The following BTN1A1 variants were observed in gnomAD, a reference collection of about 807,000 sequenced individuals.
BTN1A1 encodes bK14H9.2 (butyrophilin, subfamily 1, member A1).
BTN1A1 carries 26 observed loss-of-function variants against 33.1 expected under a neutral mutation model. The ratio of observed to expected loss-of-function variants is 0.79; its 90% confidence interval spans 0.58 to 1.09. BTN1A1 has a LOEUF of 1.09. Ranked by LOEUF, BTN1A1 falls within the 50% of genes least tolerant of loss-of-function variation. The probability of loss-of-function intolerance (pLI) is 0.00; values close to 1 mark genes in which losing one functional copy is unlikely to be tolerated. For missense variants in BTN1A1, 558 were observed against 655.7 expected (o/e 0.85, Z 1.63); for synonymous variants, 235 against 256.2 (o/e 0.92, Z 0.79).
At chr6:26,507,842 T>A in intron 5 of BTN1A1, 108 bp from the exon 6 acceptor site, 1 of 1,122,316 alleles carries the variant, frequency 8.9e-7, no homozygotes, top group African/African-American at 1.6e-5. Flanking sequence ...AATATTCAAA[T>A]AGTCATGAAT....
At chr6:26,506,949 G>A (rs2113893751) in intron 5 of BTN1A1, 117 bp downstream of exon 5, 9 of 1,281,988 alleles carry the variant, frequency 7.0e-6, no homozygotes, top group Non-Finnish European at 8.7e-6. Flanking sequence ...GGCTGGGCAT[G>A]GTGGCTCACG....
At chr6:26,507,879 C>T in intron 5 of BTN1A1, 71 bp from the exon 6 acceptor site, 1 of 1,486,010 alleles carries the variant, frequency 6.7e-7, no homozygotes, top group Non-Finnish European at 9.3e-7. Context: ...TGTGTGTTTC[C>T]CACACGAGTT....
Position 26,501,571 on chromosome 6 carries a change from C to T in BTN1A1, c.80-19C>T, listed in dbSNP as rs1328816684. Reference sequence around the variant, plus strand: ...TTCCCATCTCCACATCCCGTCTGATCCCGCTCGTTTTTCGGCAGCTCCCTT... The same window carrying T: ...TTCCCATCTCCACATCCCGTCTGATTCCGCTCGTTTTTCGGCAGCTCCCTT... On this transcript the variant is annotated intron_variant, in intron 2 of 7. Transcript: ENST00000684113. The surrounding 1 kb of genome is among the most constrained non-coding windows in gnomAD (Gnocchi z 5.2). The T allele has an allele frequency of 6.2e-7, 1 of 1,611,402 alleles. No individual in the cohort carries two copies.
At chr6:26,506,591 A>G (rs549434586) in intron 4 of BTN1A1, 92 bp from the exon 5 acceptor site, 1 of 1,385,184 alleles carries the variant, frequency 7.2e-7, no homozygotes. Flanking sequence ...GGTCCAGGCC[A>G]TCACCTCTTC....
At position 26,501,278 on chromosome 6, in the gene BTN1A1, G is replaced by C; in HGVS notation, c.-9G>C. ...CATCAGTTATCTTGCTGCTCCAGAA[G>C]GGTGGGAGATGGCAGTTTTCCCAAG... On this transcript the variant is annotated 5_prime_UTR_variant, in exon 2 of 8. Transcript: ENST00000684113. The surrounding 1 kb of genome is among the most constrained non-coding windows in gnomAD (Gnocchi z 5.2). 6.2e-7 allele frequency: 1 copy of C among 1,613,276 alleles called. No homozygotes were observed. Among genetic ancestry groups the C allele is most frequent in the East Asian group, 2.2e-5 (1 of 44,880 alleles).
In BTN1A1 at chr6:26,501,947, C is replaced by T. The variant is rs986364266; in HGVS notation, c.427+10C>T. The T allele has an allele frequency of 2.0e-5, 31 of 1,539,662 alleles. No individual in the cohort carries two copies. Among genetic ancestry groups the T allele is most frequent in the Non-Finnish European group, 2.5e-5 (29 of 1,143,780 alleles). On this transcript the variant is annotated intron_variant, in intron 3 of 7. Coordinates refer to ENST00000684113, the MANE Select transcript of BTN1A1 (RefSeq NM_001732.3). This position sits in a 1 kb window ranked among gnomAD's most constrained non-coding sequence, Gnocchi z 5.2. ...CATCTGAAGGTGGCTGGTGAGTAGA[C>T]GGGTTTTGACTTTCTCCGACGACTC...
chr6:26,505,269 G>A (rs957656512), intron 4 of BTN1A1, 63 bp downstream of exon 4: 1 of 1,512,670 alleles, frequency 6.6e-7, no homozygotes, highest in African/African-American at 1.4e-5. Context: ...CACCACCTGG[G>A]ACACCTGCCC....
Position 26,508,485 on chromosome 6 carries a change from GTTTC to G in BTN1A1, c.908-10_908-7del, listed in dbSNP as rs1561885443. The stretch of plus-strand genomic sequence containing the variant: ...AATATTCACTGATGTCAGACCTGCT[GTTTC>G]TTTCTCTCCAGTTGATGTGACTCTG... On this transcript the variant is annotated splice_polypyrimidine_tract_variant and intron_variant, in intron 7 of 7. Transcript: ENST00000684113. The G allele has an allele frequency of 1.2e-6, 2 of 1,601,256 alleles. No homozygotes were observed. The highest frequency in any genetic ancestry group is 8.5e-7 in the Non-Finnish European group (1 of 1,173,328).
intron 4 of BTN1A1, among the ~76,000 whole-genome samples, chr6:26,506,114 A>C (rs1763866753): frequency 8.0e-6 from 1 of 124,580 alleles, no homozygotes; most frequent in Admixed American, 8.9e-5. Context: ...ACAGAGCGAG[A>C]CTGCATCTCA....
At chr6:26,502,109 C>T (rs1431191678) in intron 3 of BTN1A1, among the ~76,000 whole-genome samples, 172 bp downstream of exon 3, 3 of 152,044 alleles carry the variant, frequency 2.0e-5, no homozygotes, top group African/African-American at 4.8e-5. Flanking sequence ...AAGAATTTAC[C>T]AAGACAGTTG....
At chr6:26,502,088 A>AGG (rs537020423) in intron 3 of BTN1A1, 151 bp downstream of exon 3, 10 of 1,211,532 alleles carry the variant, frequency 8.3e-6, no homozygotes, top group African/African-American at 1.5e-5. Context: ...GCGGGAGGCG[A>AGG]GGGGGGGTAA....
intron 7 of BTN1A1, 57 bp from the exon 8 acceptor site, chr6:26,508,444 C>A: frequency 6.6e-7 from 1 of 1,518,232 alleles, no homozygotes. Context: ...GAAGGAAAGA[C>A]AGTCCTGCAA....
In BTN1A1 at chr6:26,506,212, G is replaced by A. The variant is rs193080790; in HGVS notation, c.710-471G>A. ...CCTTCCTATCCCATGCTAGGGCTCTGTCTAGGTTTCCAGGGTCCTCAGGGA... is the reference window on the plus strand; with the variant it reads ...CCTTCCTATCCCATGCTAGGGCTCTATCTAGGTTTCCAGGGTCCTCAGGGA... On this transcript the variant is annotated intron_variant, in intron 4 of 7. Transcript: ENST00000684113. Among the ~76,000 whole-genome samples, 166 of 151,870 alleles carry A rather than the reference G, an allele frequency of 1.1e-3. 2 individuals are homozygous for A. The highest frequency in any genetic ancestry group is 0.011 in the South Asian group (52 of 4,802).
chr6:26,508,861 G>A lies in BTN1A1; in HGVS notation c.1268G>A (p.Gly423Glu), dbSNP rs747726672. Residue 423 changes from glycine to glutamate, a missense_variant, in exon 8 of 8, where the codon GGG (glycine) becomes GAG (glutamate). Gly to Glu is a moderately conservative substitution (Grantham distance 98). Coordinates refer to ENST00000684113, the MANE Select transcript of BTN1A1 (RefSeq NM_001732.3). ...LPLAGPPRRV[G>E]IFLDYESGDI... ...TTGGCAGGGCCCCCACGCCGGGTTG[G>A]GATTTTCCTAGACTATGAATCAGGA... 2.4e-5 allele frequency: 38 copies of A among 1,614,026 alleles called. No individual in the cohort carries two copies. The highest frequency in any genetic ancestry group is 3.1e-5 in the Non-Finnish European group (36 of 1,180,022).
At chr6:26,506,891 C>G in intron 5 of BTN1A1, 59 bp downstream of exon 5, 1 of 1,577,204 alleles carries the variant, frequency 6.3e-7, no homozygotes, top group South Asian at 1.1e-5. Flanking sequence ...CAGGCTGGAT[C>G]CAAGTCCTTT....
rs61732158 is a variant in BTN1A1, at chr6:26,508,939, A to G, written c.1346A>G (p.Asn449Ser). ...GGATCTGATATCTATACTTTCTCCA[A>G]TGTCACTTTCTCTGGCCCCCTCCGG... is the stretch of plus-strand genomic sequence containing the variant. ...NDGSDIYTFS[N>S]VTFSGPLRPF... Residue 449 changes from asparagine to serine, a missense_variant, in exon 8 of 8, where the codon AAT (asparagine) becomes AGT (serine). Coordinates refer to ENST00000684113, the MANE Select transcript of BTN1A1 (RefSeq NM_001732.3). 2.9e-5 allele frequency: 47 copies of G among 1,614,168 alleles called. 1 individual carries two copies. The highest frequency in any genetic ancestry group is 2.3e-4 in the African/African-American group (17 of 75,034).
rs965232246 is a variant in BTN1A1 at position 26,500,607 on chromosome 6, C to G, written c.-58+249C>G. On this transcript the variant is annotated intron_variant, in intron 1 of 7. Coordinates refer to ENST00000684113, the MANE Select transcript of BTN1A1 (RefSeq NM_001732.3). Reference sequence around the variant, plus strand: ...TATTATCATTGCCAAAAGCAAATACCAAATTCTTGTATTTGAAAAAAGACT... The same window carrying G: ...TATTATCATTGCCAAAAGCAAATACGAAATTCTTGTATTTGAAAAAAGACT... Among the ~76,000 whole-genome samples the G allele has an allele frequency of 2.1e-4, 32 of 152,092 alleles. 1 individual carries two copies. Among genetic ancestry groups the G allele is most frequent in the Non-Finnish European group, 8.8e-5 (6 of 68,022 alleles).
intron 4 of BTN1A1, among the ~76,000 whole-genome samples, chr6:26,505,980 A>G (rs1763864593): frequency 1.3e-5 from 2 of 151,982 alleles, no homozygotes; most frequent in South Asian, 4.2e-4. Flanking sequence ...TTAGCCAGGC[A>G]TGGTGGCGGG....
At position 26,501,140 on chromosome 6, in the gene BTN1A1, C is replaced by T. The variant is rs568976143; in HGVS notation, c.-57-90C>T. The T allele has an allele frequency of 4.8e-5, 33 of 694,006 alleles. No individual in the cohort carries two copies. In the South Asian group the frequency reaches 5.1e-4, roughly 11 times the overall value. The allele number at this position is 694,006 out of a possible 1,614,324, so 43.0% of individuals were successfully genotyped here. A position where few individuals can be genotyped will look rare whatever the true frequency, so the allele number is the denominator to read the frequency against. The stretch of plus-strand genomic sequence containing the variant: ...AGGTTTCAGGGGCAAATGACCAGAA[C>T]ACTTGCAGCTGGAAAGAACTGTAGA... On this transcript the variant is annotated intron_variant, in intron 1 of 7. Transcript: ENST00000684113. This position sits in a 1 kb window ranked among gnomAD's most constrained non-coding sequence, Gnocchi z 5.2.
Sources: gnomAD v4.1 joint callset for allele counts (sites outside exome capture counted in the v4.1 genomes callset) on GRCh38, gnomAD v4.1.1 for gene constraint, Gnocchi (gnomAD v3.1) non-coding constraint, MANE v1.5 for transcripts, NCBI Gene and HGNC (gene_info 2026-07-23, HGNC 2026-07-21) for gene names.